HMCN1: variants seen among roughly 807,000 people sequenced by gnomAD.
HMCN1 encodes hemicentin-1.
Under a neutral mutation model 625.9 loss-of-function variants are expected in HMCN1, and 321 were observed. That is an observed-to-expected ratio of 0.51 (90% CI 0.47 to 0.56). The LOEUF (loss-of-function observed/expected upper bound fraction) is 0.56. Among genes scored for constraint, HMCN1 ranks in the 20% least tolerant of loss-of-function variants. HMCN1 has a pLI of 0.00. For synonymous variants in HMCN1, 2,425 were observed against 2,417.6 expected, an observed-to-expected ratio of 1.00 and a Z score of -0.09; for missense variants, 6,588 against 6,887.3, an observed-to-expected ratio of 0.96 and a Z score of 1.54.
At chr1:185,842,133 C>G (rs1398184425) in intron 1 of HMCN1, among the ~76,000 whole-genome samples, 1 of 152,088 alleles carries the variant, frequency 6.6e-6, no homozygotes, top group Non-Finnish European at 1.5e-5. Context: ...CTACATAGTA[C>G]TATAGTTGTG....
chr1:185,951,580 G>A (rs1449513899), intron 11 of HMCN1, among the ~76,000 whole-genome samples: 2 of 151,466 alleles, frequency 1.3e-5, no homozygotes, highest in Admixed American at 6.6e-5. Context: ...AAGCCGAGAA[G>A]ATCTGGGAAG....
chr1:186,152,722 G>A (rs1256091059), intron 95 of HMCN1, 28 bp from the exon 96 acceptor site: 1 of 1,612,982 alleles, frequency 6.2e-7, no homozygotes, highest in Non-Finnish European at 8.5e-7. Flanking sequence ...TTTTTTTGCT[G>A]TCAAAATGAA....
intron 2 of HMCN1, among the ~76,000 whole-genome samples, chr1:185,859,128 TTG>T (rs59835697): frequency 0.27 from 37,017 of 137,906 alleles, 4,646 homozygotes; most frequent in Non-Finnish European, 0.3. Context: ...TTTATAAACT[TTG>T]TGTGTGTGTG....
chr1:186,164,679 G>C (rs1651764664), intron 97 of HMCN1, among the ~76,000 whole-genome samples: 1 of 152,174 alleles, frequency 6.6e-6, no homozygotes, highest in Admixed American at 6.5e-5. Context: ...CAAAAGGAGG[G>C]AGCTTCTTCA....
At chr1:185,884,172 A>C (rs777856904) in intron 4 of HMCN1, among the ~76,000 whole-genome samples, 10 of 151,728 alleles carry the variant, frequency 6.6e-5, no homozygotes, top group South Asian at 2.1e-4. Context: ...GTATTCAATG[A>C]GGTCTCATTA....
Position 185,864,608 on chromosome 1 carries a change from A to C in HMCN1, c.478A>C (p.Ile160Leu). Residue 160 changes from isoleucine (I) to leucine (L), a missense_variant, in exon 3 of 107, where the codon ATC becomes CTC. Coordinates refer to ENST00000271588, the MANE Select transcript of HMCN1 (RefSeq NM_031935.3). ...YRLTHEVLQLIQQKQSQVVFV... is the reference protein window; with the variant it reads ...YRLTHEVLQLLQQKQSQVVFV... ...GCTCACCCATGAGGTGCTGCAACTT[A>C]TCCAACAGAAACAGTCACAAGTGAG... The C allele has an allele frequency of 1.2e-6, 2 of 1,614,032 alleles. No homozygotes were observed. Among genetic ancestry groups the C allele is most frequent in the Non-Finnish European group, 1.7e-6 (2 of 1,179,970 alleles).
intron 40 of HMCN1, 52 bp from the exon 41 acceptor site, chr1:186,045,636 A>G: frequency 7.3e-7 from 1 of 1,362,672 alleles, no homozygotes; most frequent in South Asian, 1.2e-5. Context: ...TGATGAATGT[A>G]AACAGTGTGC....
chr1:186,151,089 T>A (rs1650633267), intron 93 of HMCN1, 111 bp from the exon 94 acceptor site: 1 of 1,037,854 alleles, frequency 9.6e-7, no homozygotes, highest in East Asian at 2.4e-5. Context: ...ATGACCTTTT[T>A]GATGTTTGAG....
At chr1:185,927,385 CAAG>C (rs1163642307) in intron 9 of HMCN1, among the ~76,000 whole-genome samples, 2 of 152,100 alleles carry the variant, frequency 1.3e-5, no homozygotes, top group Non-Finnish European at 2.9e-5. Flanking sequence ...CTGAAAGTGA[CAAG>C]AAGAACCACT....
intron 1 of HMCN1, among the ~76,000 whole-genome samples, chr1:185,801,610 C>G (rs1658799901): frequency 6.6e-6 from 1 of 152,108 alleles, no homozygotes; most frequent in African/African-American, 2.4e-5. Context: ...AGAGTATGAA[C>G]TAGTTCAATG....
intron 4 of HMCN1, among the ~76,000 whole-genome samples, chr1:185,894,045 G>A (rs1340668977): frequency 6.7e-6 from 1 of 149,538 alleles, no homozygotes; most frequent in Non-Finnish European, 1.5e-5. Flanking sequence ...TGAGGCAGGA[G>A]AATGGCGTGA....
At chr1:185,924,213 A>ATTT (rs1558068693) in intron 8 of HMCN1, among the ~76,000 whole-genome samples, 30 of 77,600 alleles carry the variant, frequency 3.9e-4, no homozygotes, top group East Asian at 6.4e-4. Flanking sequence ...CTCTGACCCA[A>ATTT]TCTTTTTTTT....
At chr1:185,968,312 G>A (rs986310385) in intron 14 of HMCN1, among the ~76,000 whole-genome samples, 5 of 151,970 alleles carry the variant, frequency 3.3e-5, no homozygotes, top group African/African-American at 1.2e-4. Context: ...CTACATTAGA[G>A]ATTATAGAGA....
intron 11 of HMCN1, among the ~76,000 whole-genome samples, chr1:185,953,694 G>C (rs1649404407): frequency 6.6e-6 from 1 of 151,840 alleles, no homozygotes; most frequent in African/African-American, 2.4e-5. Flanking sequence ...TTCTCACGGA[G>C]CAAAGAGCAG....
At chr1:185,960,930 CA>C (rs1189385029) in intron 11 of HMCN1, among the ~76,000 whole-genome samples, 4 of 152,226 alleles carry the variant, frequency 2.6e-5, no homozygotes, top group African/African-American at 7.2e-5. Flanking sequence ...TGATGGACTC[CA>C]GATGGAATCA....
At chr1:186,063,066 G>GTGTGTGTGTATATATATATATATATA (rs1491400415) in intron 48 of HMCN1, among the ~76,000 whole-genome samples, 1 of 29,942 alleles carries the variant, frequency 3.3e-5, no homozygotes, top group Non-Finnish European at 6.0e-5. Flanking sequence ...GTGTGTGTGT[G>GTGTGTGTGTATATATATATATATATA]CATATATATA....
intron 100 of HMCN1, among the ~76,000 whole-genome samples, chr1:186,168,118 G>A (rs1314998978): frequency 1.3e-5 from 2 of 151,214 alleles, no homozygotes; most frequent in Non-Finnish European, 2.9e-5. Context: ...AAAAGGAAAT[G>A]GATCTATATA....
intron 10 of HMCN1, among the ~76,000 whole-genome samples, chr1:185,932,691 G>A (rs1406583453): frequency 1.3e-5 from 2 of 152,002 alleles, no homozygotes; most frequent in Non-Finnish European, 2.9e-5. Context: ...GACATAGGGA[G>A]GGGAACATCA....
chr1:185,794,601 A>ATT (rs34098989), intron 1 of HMCN1, among the ~76,000 whole-genome samples: 2,215 of 111,176 alleles, frequency 0.02, 57 homozygotes, highest in African/African-American at 0.035. Flanking sequence ...GTCTTTACAC[A>ATT]TTTTTTTTTT....
Sources: gnomAD v4.1 joint callset for allele counts (sites outside exome capture counted in the v4.1 genomes callset) on GRCh38, gnomAD v4.1.1 for gene constraint, MANE v1.5 for transcripts, NCBI Gene and HGNC (gene_info 2026-07-23, HGNC 2026-07-21) for gene names.